Variants in HKDC1 observed in about 807,000 individuals in gnomAD.
HKDC1 encodes the protein hexokinase domain containing 1.
In HKDC1, 66 loss-of-function variants were observed where a neutral mutation model predicts 96.6. The ratio of observed to expected loss-of-function variants is 0.68; its 90% CI spans 0.56 to 0.84. HKDC1 has a LOEUF of 0.84. Among genes scored for constraint, HKDC1 ranks in the 40% least tolerant of loss-of-function variants. The pLI is 0.00. For synonymous variants in HKDC1, 466 were observed against 473.1 expected, an observed-to-expected ratio of 0.98 and a Z score of 0.20; for missense variants, 1,211 against 1,208.1, an observed-to-expected ratio of 1.00 and a Z score of -0.04.
At chr10:69,259,297 C>A (rs1161141600) in intron 15 of HKDC1, among the ~76,000 whole-genome samples, 2 of 152,162 alleles carry the variant, frequency 1.3e-5, no homozygotes, top group Non-Finnish European at 2.9e-5. Flanking sequence ...GGCCAACATC[C>A]TCAGGCCTTC....
At chr10:69,257,549 A>T in intron 14 of HKDC1, 123 bp downstream of exon 14, 1 of 802,018 alleles carries the variant, frequency 1.2e-6, no homozygotes, top group South Asian at 1.5e-5. Context: ...GCAGAGATGA[A>T]GTTACAATTG....
chr10:69,240,123 G>A (rs890204027), intron 5 of HKDC1, among the ~76,000 whole-genome samples: 2 of 152,096 alleles, frequency 1.3e-5, no homozygotes, highest in African/African-American at 2.4e-5. Context: ...GGATAAACAT[G>A]CTTTCCTCAA....
chr10:69,261,506 C>G, intron 16 of HKDC1: 1 of 498,626 alleles, frequency 2.0e-6, no homozygotes, highest in Non-Finnish European at 3.6e-6. Context: ...CTATAAAGTC[C>G]TGCTGTCCCC....
intron 2 of HKDC1, chr10:69,232,432 G>C (rs990798968): frequency 2.0e-5 from 5 of 250,926 alleles, no homozygotes; most frequent in African/African-American, 1.1e-4. Flanking sequence ...TGGCATCCCA[G>C]GATGGGCTCC....
At chr10:69,246,554 C>T (rs1251768816) in intron 8 of HKDC1, among the ~76,000 whole-genome samples, 2 of 152,204 alleles carry the variant, frequency 1.3e-5, no homozygotes, top group Non-Finnish European at 2.9e-5. Flanking sequence ...AGGTTCTAGA[C>T]CCTTAGCCCC....
chr10:69,234,006 T>C (rs987550838), intron 4 of HKDC1, among the ~76,000 whole-genome samples: 3 of 152,054 alleles, frequency 2.0e-5, no homozygotes, highest in Admixed American at 6.6e-5. Context: ...CCGGGGTTCC[T>C]GGTAACTCAT....
In HKDC1 at chr10:69,251,229, T is replaced by G. The variant is rs553834487; in HGVS notation, c.1836+577T>G. On this transcript the variant is annotated intron_variant, in intron 12 of 17. Transcript: ENST00000354624. The stretch of plus-strand genomic sequence containing the variant: ...CCTGCCTCAGCCTCCCAAGTAGCTG[T>G]GATTACAGGCACCTACCTCCACGCC... Among the ~76,000 whole-genome samples, 8 of 151,448 alleles carry G rather than the reference T, an allele frequency of 5.3e-5. No homozygotes were observed. The South Asian group carries it at 6.3e-4, about 12-fold the overall frequency.
At chr10:69,230,482 G>A (rs148457176) in intron 2 of HKDC1, among the ~76,000 whole-genome samples, 6 of 152,328 alleles carry the variant, frequency 3.9e-5, no homozygotes, top group Middle Eastern at 3.4e-3. Context: ...CTGGGTAAAA[G>A]GAGGGAGTGA....
chr10:69,263,279 T>C (rs912654887), intron 16 of HKDC1, among the ~76,000 whole-genome samples: 3 of 152,098 alleles, frequency 2.0e-5, no homozygotes, highest in African/African-American at 7.2e-5. Flanking sequence ...TTGTATTTTT[T>C]ATAGAGATGG....
chr10:69,259,501 G>T (rs908902415), intron 15 of HKDC1, among the ~76,000 whole-genome samples: 1 of 152,206 alleles, frequency 6.6e-6, no homozygotes, highest in Non-Finnish European at 1.5e-5. Flanking sequence ...AATTAGAGTA[G>T]ATTTCACTTG....
chr10:69,245,572 A>ATAC (rs1491245419), intron 7 of HKDC1, among the ~76,000 whole-genome samples: 1 of 73,244 alleles, frequency 1.4e-5, no homozygotes, highest in Non-Finnish European at 2.6e-5. Context: ...CCTGTCTCCA[A>ATAC]TAATAATAAT....
At chr10:69,254,276 G>C (rs1458947198) in intron 12 of HKDC1, among the ~76,000 whole-genome samples, 2 of 152,090 alleles carry the variant, frequency 1.3e-5, no homozygotes, top group Non-Finnish European at 2.9e-5. Context: ...CTGCACTCCA[G>C]CCTGGGCGAC....
chr10:69,228,426 G>A (rs1228069015), intron 2 of HKDC1, among the ~76,000 whole-genome samples: 1 of 152,148 alleles, frequency 6.6e-6, no homozygotes, highest in Non-Finnish European at 1.5e-5. Context: ...ATATTCACAG[G>A]ATCTGGGGAT....
In HKDC1 at chr10:69,248,723, G is replaced by C. The variant is rs1392267673; in HGVS notation, c.1565G>C (p.Gly522Ala). Residue 522 changes from glycine to alanine, a missense_variant, in exon 10 of 18, where the codon GGC (glycine) becomes GCC (alanine). Coordinates refer to ENST00000354624, the MANE Select transcript of HKDC1 (RefSeq NM_025130.4). Reference sequence around the variant, plus strand: ...ACCTACGTCTGCGGGCTGCCGGACGGCACAGGTGGGCCAGCACAGCCTCCC... The same window carrying C: ...ACCTACGTCTGCGGGCTGCCGGACGCCACAGGTGGGCCAGCACAGCCTCCC... ...LPTYVCGLPD[G>A]TEKGKFLALD... 2 of 1,600,878 alleles carry C rather than the reference G, an allele frequency of 1.2e-6. No individual in the cohort carries two copies. The highest frequency in any genetic ancestry group is 1.8e-4 in the Middle Eastern group (1 of 5,490).
Position 69,246,295 on chromosome 10 carries a change from G to A in HKDC1, c.1031+61G>A, listed in dbSNP as rs968151161. The stretch of plus-strand genomic sequence containing the variant: ...CTGGGATGGGAGGCCCAGGTGTGGG[G>A]TGCTCCATGTGGTAGGACAGCAGGA... On this transcript the variant is annotated intron_variant, in intron 8 of 17. Transcript: ENST00000354624. The A allele has an allele frequency of 3.8e-6, 6 of 1,573,880 alleles. No individual in the cohort carries two copies. In the African/African-American group the frequency reaches 6.7e-5, roughly 18 times the overall value.
intron 1 of HKDC1, chr10:69,226,070 C>T (rs1227959952): frequency 6.6e-6 from 1 of 152,220 alleles, no homozygotes; most frequent in East Asian, 1.9e-4. Flanking sequence ...CTGCCCCCAT[C>T]AATAATCCAT....
chr10:69,267,180 T>G lies in HKDC1; in HGVS notation c.*423T>G. ...TATAGGGGATTGGACCCTGTACTTG[T>G]GGATGAACATTGGAGAGCAAGAGGA... On this transcript the variant is annotated 3_prime_UTR_variant, in exon 18 of 18. Coordinates refer to ENST00000354624, the MANE Select transcript of HKDC1 (RefSeq NM_025130.4). The G allele has an allele frequency of 3.9e-6, 1 of 257,106 alleles. No individual in the cohort carries two copies. The highest frequency in any genetic ancestry group is 7.6e-6 in the Non-Finnish European group (1 of 132,162). The allele number at this position is 257,106 out of a possible 1,614,324, so 15.9% of individuals were successfully genotyped here.
rs1256132506 is a variant in HKDC1, at chr10:69,223,872, C to T, written c.64-3335C>T. 6.7e-5 allele frequency among the ~76,000 whole-genome samples: 10 copies of T among 150,236 alleles called. No homozygotes were observed. The East Asian group carries it at 1.4e-3, about 21-fold the overall frequency. On this transcript the variant is annotated intron_variant, in intron 1 of 17. Transcript: ENST00000354624. Reference sequence around the variant, plus strand: ...TGCTGGGATTACAGGCATGAGCCACCATGCCTGGCCTCATTTGGATACTTT... The same window carrying T: ...TGCTGGGATTACAGGCATGAGCCACTATGCCTGGCCTCATTTGGATACTTT...
chr10:69,266,614 TC>T lies in HKDC1; in HGVS notation c.2612del (p.Ser871LeufsTer8), dbSNP rs1170018404. 2 of 1,613,940 alleles carry T rather than the reference TC, an allele frequency of 1.2e-6. No individual in the cohort carries two copies. Among genetic ancestry groups the T allele is most frequent in the Non-Finnish European group, 1.7e-6 (2 of 1,179,914 alleles). On this transcript the variant is annotated frameshift_variant, in exon 18 of 18. Coordinates refer to ENST00000354624, the MANE Select transcript of HKDC1 (RefSeq NM_025130.4). LOFTEE classifies it high-confidence loss of function. ...GTTTCTTTCTCTTTTTCATAGCTTT[TC>T]TAGAATATTGCAGGAAACTGTGAAG... ...GTLYKLHPHF[S>X]RILQETVKEL...
Sources: gnomAD v4.1 joint callset for allele counts (sites outside exome capture counted in the v4.1 genomes callset) on GRCh38, gnomAD v4.1.1 for gene constraint, MANE v1.5 for transcripts, NCBI Gene and HGNC (gene_info 2026-07-23, HGNC 2026-07-21) for gene names.